Variants in C1orf185 observed in about 807,000 individuals in gnomAD.
C1orf185 encodes the protein uncharacterized protein C1orf185.
Under a neutral mutation model 16.1 loss-of-function variants are expected in C1orf185, and 13 were observed. That is an observed-to-expected ratio of 0.81 (90% CI 0.53 to 1.28). The LOEUF (loss-of-function observed/expected upper bound fraction) is 1.28. Ranked by LOEUF, C1orf185 falls within the 50% of genes most tolerant of loss-of-function variation. C1orf185 has a pLI of 0.00. For missense variants in C1orf185, 220 were observed against 225.2 expected (o/e 0.98, Z 0.15); for synonymous variants, 80 against 76.9 (o/e 1.04, Z -0.21).
At chr1:51,110,232 G>A (rs1027774977) in intron 1 of C1orf185, among the ~76,000 whole-genome samples, 3 of 152,164 alleles carry the variant, frequency 2.0e-5, no homozygotes, top group Admixed American at 2.0e-4. Flanking sequence ...AAGTAAATAA[G>A]TTAATGTTTA....
At chr1:51,124,085 T>TG (rs1646219336) in intron 3 of C1orf185, among the ~76,000 whole-genome samples, 1 of 147,094 alleles carries the variant, frequency 6.8e-6, no homozygotes, top group African/African-American at 2.5e-5. Context: ...TAGTTTGTTT[T>TG]TTTTTTTTTT....
chr1:51,106,220 A>AT, intron 1 of C1orf185, among the ~76,000 whole-genome samples: 2 of 152,194 alleles, frequency 1.3e-5, no homozygotes, highest in South Asian at 4.1e-4. Flanking sequence ...TTTAAAAAAA[A>AT]TTTTTCTGAT....
chr1:51,118,271 T>C (rs1213025129), intron 2 of C1orf185, among the ~76,000 whole-genome samples: 2 of 152,236 alleles, frequency 1.3e-5, no homozygotes, highest in Non-Finnish European at 2.9e-5. Flanking sequence ...ACCAATGAGT[T>C]GCATTTTATT....
chr1:51,120,556 A>C (rs186091874), intron 3 of C1orf185, among the ~76,000 whole-genome samples: 1 of 152,226 alleles, frequency 6.6e-6, no homozygotes, highest in East Asian at 1.9e-4. Context: ...GTAAACATCA[A>C]ATTGATTCTA....
At chr1:51,121,782 A>G (rs1015823942) in intron 3 of C1orf185, among the ~76,000 whole-genome samples, 1 of 152,168 alleles carries the variant, frequency 6.6e-6, no homozygotes, top group Non-Finnish European at 1.5e-5. Flanking sequence ...AAGAATACAT[A>G]TACACATACA....
chr1:51,124,725 A>C (rs1183537494), intron 3 of C1orf185, among the ~76,000 whole-genome samples: 1 of 152,234 alleles, frequency 6.6e-6, no homozygotes, highest in Non-Finnish European at 1.5e-5. Flanking sequence ...GAAAGTGGTC[A>C]TAACTTCTGG....
At chr1:51,109,431 T>G (rs1646099326) in intron 1 of C1orf185, among the ~76,000 whole-genome samples, 1 of 152,220 alleles carries the variant, frequency 6.6e-6, no homozygotes, top group African/African-American at 2.4e-5. Flanking sequence ...ATCTCATTTA[T>G]CAATTTTTGC....
At chr1:51,124,361 C>T (rs934422795) in intron 3 of C1orf185, among the ~76,000 whole-genome samples, 37 of 152,204 alleles carry the variant, frequency 2.4e-4, no homozygotes, top group African/African-American at 8.2e-4. Flanking sequence ...GGATTATAGG[C>T]GTGAGCCACT....
intron 2 of C1orf185, among the ~76,000 whole-genome samples, chr1:51,115,506 A>G (rs568779848): frequency 1.3e-5 from 2 of 152,276 alleles, no homozygotes; most frequent in Non-Finnish European, 2.9e-5. Context: ...TGGCTGCCAT[A>G]AATATTCTTG....
At chr1:51,120,793 T>C (rs992638284) in intron 3 of C1orf185, among the ~76,000 whole-genome samples, 4 of 152,198 alleles carry the variant, frequency 2.6e-5, no homozygotes, top group Non-Finnish European at 4.4e-5. Context: ...GATTAGGTTG[T>C]TTATTATTCA....
intron 2 of C1orf185, among the ~76,000 whole-genome samples, chr1:51,114,808 A>G (rs1646146214): frequency 1.3e-5 from 2 of 152,248 alleles, no homozygotes; most frequent in Admixed American, 6.5e-5. Context: ...TACATACAAG[A>G]AACTGCATAG....
chr1:51,121,891 T>TGGA, intron 3 of C1orf185, among the ~76,000 whole-genome samples: 1 of 152,178 alleles, frequency 6.6e-6, no homozygotes, highest in Non-Finnish European at 1.5e-5. Context: ...CTTATATATC[T>TGGA]GTCACACCTC....
intron 3 of C1orf185, among the ~76,000 whole-genome samples, chr1:51,136,797 T>A (rs1646328549): frequency 6.6e-6 from 1 of 152,142 alleles, no homozygotes; most frequent in Non-Finnish European, 1.5e-5. Context: ...CCCAAATGTA[T>A]AAAAACCCTG....
intron 4 of C1orf185, among the ~76,000 whole-genome samples, chr1:51,146,032 T>C (rs1646396864): frequency 6.6e-6 from 1 of 152,206 alleles, no homozygotes; most frequent in South Asian, 2.1e-4. Context: ...ATAGTAATGC[T>C]TGAGGATAAA....
intron 2 of C1orf185, among the ~76,000 whole-genome samples, chr1:51,114,750 C>G (rs1239778409): frequency 6.6e-6 from 1 of 152,070 alleles, no homozygotes; most frequent in East Asian, 1.9e-4. Flanking sequence ...AAAGACTATC[C>G]TATAGCTGAT....
intron 3 of C1orf185, among the ~76,000 whole-genome samples, chr1:51,129,050 A>G (rs1291787131): frequency 6.6e-6 from 1 of 151,628 alleles, no homozygotes; most frequent in Non-Finnish European, 1.5e-5. Flanking sequence ...ATGCCTGGCT[A>G]ATTTTTGTAT....
intron 3 of C1orf185, among the ~76,000 whole-genome samples, chr1:51,141,652 G>A (rs1646365260): frequency 6.6e-6 from 1 of 152,124 alleles, no homozygotes. Flanking sequence ...TGTGTCAAAT[G>A]TGTGTATGGG....
At chr1:51,110,900 C>CA (rs1426019256) in intron 1 of C1orf185, among the ~76,000 whole-genome samples, 2 of 146,942 alleles carry the variant, frequency 1.4e-5, no homozygotes, top group African/African-American at 2.5e-5. Context: ...ACCCAGGAGT[C>CA]GGAGGTTGCA....
chr1:51,128,055 C>A (rs1646254879), intron 3 of C1orf185, among the ~76,000 whole-genome samples: 1 of 151,560 alleles, frequency 6.6e-6, no homozygotes, highest in African/African-American at 2.4e-5. Flanking sequence ...GCCCAGCTAA[C>A]TTTTTGTATT....
Sources: gnomAD v4.1 joint callset for allele counts (sites outside exome capture counted in the v4.1 genomes callset) on GRCh38, gnomAD v4.1.1 for gene constraint, MANE v1.5 for transcripts, NCBI Gene and HGNC (gene_info 2026-07-23, HGNC 2026-07-21) for gene names.